SUSD1: variants seen among roughly 807,000 people sequenced by gnomAD.
SUSD1 encodes the protein sushi domain-containing protein 1.
Under a neutral mutation model 86.9 loss-of-function variants are expected in SUSD1, and 65 were observed. The observed-to-expected ratio is 0.75, with a 90% CI of 0.61 to 0.92. The LOEUF is 0.92. Ranked by LOEUF, SUSD1 falls within the 40% of genes least tolerant of loss-of-function variation. The pLI, the probability that SUSD1 is intolerant of heterozygous loss-of-function variation, is 0.00. For missense variants in SUSD1, 850 were observed against 929.7 expected, an observed-to-expected ratio of 0.91 and a Z score of 1.11; for synonymous variants, 346 against 350.0, an observed-to-expected ratio of 0.99 and a Z score of 0.13.
At chr9:112,092,240 A>C (rs914999655) in intron 10 of SUSD1, among the ~76,000 whole-genome samples, 1 of 152,248 alleles carries the variant, frequency 6.6e-6, no homozygotes, top group African/African-American at 2.4e-5. Flanking sequence ...ATCAAGCCAG[A>C]TCAGCAAACA....
chr9:112,149,097 C>T, intron 3 of SUSD1, 147 bp downstream of exon 3: 1 of 1,178,914 alleles, frequency 8.5e-7, no homozygotes, highest in Admixed American at 2.3e-5. Flanking sequence ...CATGCATCTC[C>T]CAAAATAAGA....
intron 15 of SUSD1, among the ~76,000 whole-genome samples, chr9:112,044,565 G>A (rs974753429): frequency 6.6e-6 from 1 of 152,164 alleles, no homozygotes; most frequent in Admixed American, 6.5e-5. Flanking sequence ...GATCATTGGG[G>A]AAATGATAAA....
At chr9:112,120,393 AGG>A (rs1465543593) in intron 6 of SUSD1, among the ~76,000 whole-genome samples, 1 of 152,184 alleles carries the variant, frequency 6.6e-6, no homozygotes, top group Non-Finnish European at 1.5e-5. Context: ...AAAAAAGAAG[AGG>A]GGTAGCTGAG....
At chr9:112,135,078 A>G (rs141708654) in intron 5 of SUSD1, among the ~76,000 whole-genome samples, 415 of 152,260 alleles carry the variant, frequency 2.7e-3, no homozygotes, top group African/African-American at 9.4e-3. Flanking sequence ...AAAAAAAAGA[A>G]AAGAAAATGT....
intron 6 of SUSD1, 82 bp from the exon 7 acceptor site, chr9:112,112,950 T>A: frequency 1.2e-6 from 1 of 802,112 alleles, no homozygotes; most frequent in Non-Finnish European, 2.1e-6. Context: ...TCTCTCTGCA[T>A]AGCTGGTATC....
chr9:112,111,944 C>T (rs1187112750), intron 7 of SUSD1, 104 bp from the exon 8 acceptor site: 2 of 1,219,538 alleles, frequency 1.6e-6, no homozygotes, highest in Non-Finnish European at 2.3e-6. Flanking sequence ...TTATACTGTG[C>T]TGCTCAGCCA....
At chr9:112,119,726 A>C (rs185431213) in intron 6 of SUSD1, among the ~76,000 whole-genome samples, 227 of 152,306 alleles carry the variant, frequency 1.5e-3, no homozygotes, top group African/African-American at 5.1e-3. Flanking sequence ...GTTTTTCCAG[A>C]CACGAAAGTG....
chr9:112,170,692 C>CATATAT (rs3983405), intron 1 of SUSD1, among the ~76,000 whole-genome samples: 137 of 120,040 alleles, frequency 1.1e-3, no homozygotes, highest in Admixed American at 1.8e-3. Context: ...ATGGCCAGAT[C>CATATAT]ATATATATAT....
At chr9:112,083,807 CTTTT>C (rs974126209) in intron 10 of SUSD1, among the ~76,000 whole-genome samples, 4 of 152,144 alleles carry the variant, frequency 2.6e-5, no homozygotes, top group Non-Finnish European at 4.4e-5. Flanking sequence ...AAAATGTGCT[CTTTT>C]TGTTTCCAGA....
At chr9:112,067,477 C>G (rs1044406636) in intron 12 of SUSD1, among the ~76,000 whole-genome samples, 1 of 152,226 alleles carries the variant, frequency 6.6e-6, no homozygotes, top group Non-Finnish European at 1.5e-5. Flanking sequence ...TAGAATGCAT[C>G]CAGCGCCTTG....
Position 112,112,817 on chromosome 9 carries a change from C to A in SUSD1, c.938G>T (p.Arg313Ile), listed in dbSNP as rs751825454. ...TATTCTTCTTGAGTTTATTTGCCAT[C>A]TCACACAGGTATCATTAAACAGTGA... The part of the protein sequence containing the change: ...DVSLFNDTCV[R>I]WQINSRRINP... Residue 313 changes from arginine (R) to isoleucine (I), a missense_variant, in exon 7 of 17, where the codon AGA becomes ATA. Arg to Ile is a moderately conservative substitution (Grantham distance 97). Coordinates refer to ENST00000374270, the MANE Select transcript of SUSD1 (RefSeq NM_022486.5). 1.1e-5 allele frequency: 17 copies of A among 1,613,532 alleles called. No individual in the cohort carries two copies. Among genetic ancestry groups the A allele is most frequent in the Non-Finnish European group, 1.4e-5 (17 of 1,179,508 alleles).
At chr9:112,086,994 AAATATACATATAT>A (rs1272511142) in intron 10 of SUSD1, among the ~76,000 whole-genome samples, 1 of 149,458 alleles carries the variant, frequency 6.7e-6, no homozygotes, top group East Asian at 1.9e-4. Flanking sequence ...TACATATATA[AAATATACATATAT>A]AATATACATA....
In SUSD1 at chr9:112,142,424, T is replaced by C. The variant is rs1832616941; in HGVS notation, c.602A>G (p.Gln201Arg). The change falls in exon 5 of 17, where the codon CAG (glutamine) becomes CGG (arginine). Residue 201 changes from glutamine (Q) to arginine (R), a missense_variant. Physicochemically the swap from Gln to Arg is conservative, Grantham distance 43 (BLOSUM62 1). Coordinates refer to ENST00000374270, the MANE Select transcript of SUSD1 (RefSeq NM_022486.5). ...TCCTTCTCTGCAAGCATAACGAACC[T>C]GGCTGCCCAGACTAGACGTATAATT... ...IGNYTSSLGS[Q>R]VRYACREGFF... The C allele has an allele frequency of 6.2e-7, 1 of 1,614,130 alleles. No homozygotes were observed. Among genetic ancestry groups the C allele is most frequent in the Non-Finnish European group, 8.5e-7 (1 of 1,180,006 alleles).
intron 9 of SUSD1, among the ~76,000 whole-genome samples, chr9:112,099,428 C>G (rs1237155492): frequency 6.6e-6 from 1 of 151,948 alleles, no homozygotes; most frequent in East Asian, 1.9e-4. Context: ...TTCCTTAACC[C>G]TACCCATGGA....
chr9:112,090,165 A>G (rs1830148325), intron 10 of SUSD1, among the ~76,000 whole-genome samples: 1 of 152,226 alleles, frequency 6.6e-6, no homozygotes, highest in African/African-American at 2.4e-5. Context: ...ATAAAGATAA[A>G]GGGAGAAATG....
intron 3 of SUSD1, among the ~76,000 whole-genome samples, chr9:112,144,310 A>G (rs1832713663): frequency 6.6e-6 from 1 of 152,162 alleles, no homozygotes; most frequent in Admixed American, 6.6e-5. Context: ...CACTAAAAGA[A>G]TCCAGTCACT....
chr9:112,098,766 T>G (rs763698702), intron 9 of SUSD1, 104 bp from the exon 10 acceptor site: 7 of 1,046,626 alleles, frequency 6.7e-6, no homozygotes, highest in Non-Finnish European at 9.8e-6. Flanking sequence ...TCCTTTTATT[T>G]ATCCTTGCCC....
At position 112,156,317 on chromosome 9, in the gene SUSD1, C is replaced by T. The variant is rs374531388; in HGVS notation, c.217+1183G>A. Among the ~76,000 whole-genome samples the T allele has an allele frequency of 3.2e-4, 49 of 152,166 alleles. No homozygotes were observed. The South Asian group carries it at 1.0e-2, about 31-fold the overall frequency. ...TCTCTACTAAAAATACGAAAATTAG[C>T]TGGGCATGGTGGCACATACCTGTAA... On this transcript the variant is annotated intron_variant, in intron 2 of 16. Coordinates refer to ENST00000374270, the MANE Select transcript of SUSD1 (RefSeq NM_022486.5).
chr9:112,128,702 A>G (rs916366707), intron 5 of SUSD1, among the ~76,000 whole-genome samples: 1 of 152,220 alleles, frequency 6.6e-6, no homozygotes, highest in African/African-American at 2.4e-5. Context: ...GAAATGACAC[A>G]TACATTAAGA....
Sources: gnomAD v4.1 joint callset for allele counts (sites outside exome capture counted in the v4.1 genomes callset) on GRCh38, gnomAD v4.1.1 for gene constraint, MANE v1.5 for transcripts, NCBI Gene and HGNC (gene_info 2026-07-23, HGNC 2026-07-21) for gene names.